Variants in LRRC4C observed in about 807,000 individuals in gnomAD.
LRRC4C encodes leucine-rich repeat-containing protein 4C.
Under a neutral mutation model 33.6 loss-of-function variants are expected in LRRC4C, and 5 were observed. The ratio of observed to expected loss-of-function variants is 0.15; its 90% CI spans 0.08 to 0.31. The LOEUF (loss-of-function observed/expected upper bound fraction) is 0.31. LRRC4C is among the 10% of genes least tolerant of loss of function. The probability of loss-of-function intolerance (pLI) is 1.00; values close to 1 mark genes in which losing one functional copy is unlikely to be tolerated. For synonymous variants in LRRC4C, 329 were observed against 302.0 expected (o/e 1.09, Z -0.93); for missense variants, 560 against 796.7 (o/e 0.70, Z 3.58).
At chr11:41,413,159 C>T (rs1197033276) in intron 1 of LRRC4C, among the ~76,000 whole-genome samples, 10 of 151,880 alleles carry the variant, frequency 6.6e-5, no homozygotes, top group Non-Finnish European at 1.2e-4. Flanking sequence ...TAGAGAACCC[C>T]GAATTATGAA....
intron 3 of LRRC4C, among the ~76,000 whole-genome samples, chr11:40,563,866 T>C (rs1957650601): frequency 6.6e-6 from 1 of 152,184 alleles, no homozygotes; most frequent in Non-Finnish European, 1.5e-5. Context: ...AGGAATGCAC[T>C]ACAGAGCCCT....
chr11:41,069,066 C>A (rs1308921733), intron 1 of LRRC4C, among the ~76,000 whole-genome samples: 1 of 152,136 alleles, frequency 6.6e-6, no homozygotes, highest in Non-Finnish European at 1.5e-5. Context: ...AAGGCTTAAA[C>A]CACCATGATG....
chr11:40,309,108 A>G (rs1390026772), intron 4 of LRRC4C, among the ~76,000 whole-genome samples: 4 of 152,226 alleles, frequency 2.6e-5, no homozygotes, highest in Non-Finnish European at 4.4e-5. Flanking sequence ...TGCAACCATC[A>G]CCACAGTGTC....
At chr11:40,564,001 G>A (rs377381176) in intron 3 of LRRC4C, among the ~76,000 whole-genome samples, 15 of 152,224 alleles carry the variant, frequency 9.9e-5, no homozygotes, top group African/African-American at 3.4e-4. Context: ...GGCCTGATAA[G>A]TATGAAAATA....
chr11:40,876,330 A>G (rs1339580518), intron 2 of LRRC4C, among the ~76,000 whole-genome samples: 1 of 139,470 alleles, frequency 7.2e-6, no homozygotes, highest in African/African-American at 2.7e-5. Context: ...ACAGGTGATC[A>G]TGCACCAGCT....
chr11:40,204,599 T>C (rs1863008345), intron 5 of LRRC4C, among the ~76,000 whole-genome samples: 1 of 152,130 alleles, frequency 6.6e-6, no homozygotes, highest in African/African-American at 2.4e-5. Flanking sequence ...TTATTCTAAG[T>C]TGCAAAACTA....
chr11:40,694,919 T>C (rs1023915470), intron 2 of LRRC4C, among the ~76,000 whole-genome samples: 2 of 152,182 alleles, frequency 1.3e-5, no homozygotes, highest in Non-Finnish European at 2.9e-5. Flanking sequence ...CCTTCCGGTC[T>C]TCCATTTTTT....
Position 41,068,855 on chromosome 11 carries a change from G to T in LRRC4C, c.-495-135132C>A, listed in dbSNP as rs181412291. 1.4e-3 allele frequency among the ~76,000 whole-genome samples: 220 copies of T among 152,216 alleles called. 1 individual carries two copies. The highest frequency in any genetic ancestry group is 7.3e-3 in the South Asian group (35 of 4,820). ...CTACCAAAAGAACAAAGAGGAGCTG[G>T]TACCATTCCTTCTGAAACTATTTGA... is the stretch of plus-strand genomic sequence containing the variant. On this transcript the variant is annotated intron_variant, in intron 1 of 6. Transcript: ENST00000528697.
intron 1 of LRRC4C, among the ~76,000 whole-genome samples, chr11:41,125,788 C>T (rs1434400555): frequency 3.3e-5 from 5 of 151,802 alleles, no homozygotes; most frequent in Non-Finnish European, 5.9e-5. Context: ...AAGTTAACTA[C>T]GAAAACTACT....
chr11:40,781,312 T>C (rs1950202284), intron 2 of LRRC4C, among the ~76,000 whole-genome samples: 1 of 152,066 alleles, frequency 6.6e-6, no homozygotes, highest in Admixed American at 6.6e-5. Flanking sequence ...TATGTGTGTG[T>C]ACATACACAC....
At chr11:40,759,761 T>C (rs374356485) in intron 2 of LRRC4C, among the ~76,000 whole-genome samples, 1 of 152,040 alleles carries the variant, frequency 6.6e-6, no homozygotes, top group African/African-American at 2.4e-5. Flanking sequence ...ATCATGTTGA[T>C]ATAATCTTTA....
chr11:41,022,142 TTA>T (rs142909883), intron 1 of LRRC4C, among the ~76,000 whole-genome samples: 12,907 of 138,952 alleles, frequency 0.093, 617 homozygotes, highest in African/African-American at 0.13. Context: ...CAATTTTGTT[TTA>T]TATATATATA....
At chr11:40,209,130 C>T (rs1329973069) in intron 5 of LRRC4C, among the ~76,000 whole-genome samples, 1 of 152,176 alleles carries the variant, frequency 6.6e-6, no homozygotes, top group Non-Finnish European at 1.5e-5. Context: ...GGGATTCACA[C>T]ACTAGTGAAG....
intron 2 of LRRC4C, among the ~76,000 whole-genome samples, chr11:40,798,308 C>T (rs1278011620): frequency 6.6e-6 from 1 of 152,174 alleles, no homozygotes; most frequent in African/African-American, 2.4e-5. Flanking sequence ...GACCAGTTTT[C>T]CCCATCCAGC....
intron 1 of LRRC4C, among the ~76,000 whole-genome samples, chr11:41,387,267 G>A (rs1415593400): frequency 6.6e-6 from 1 of 151,690 alleles, no homozygotes; most frequent in Non-Finnish European, 1.5e-5. Context: ...GAGGACAAAT[G>A]GAGGCAGGAA....
intron 1 of LRRC4C, among the ~76,000 whole-genome samples, chr11:41,048,603 C>T (rs1250267487): frequency 6.6e-6 from 1 of 152,016 alleles, no homozygotes; most frequent in Non-Finnish European, 1.5e-5. Flanking sequence ...CTTGGTCTAC[C>T]CTTTGATCAT....
chr11:41,037,238 T>A (rs767257879), intron 1 of LRRC4C, among the ~76,000 whole-genome samples: 3 of 151,830 alleles, frequency 2.0e-5, no homozygotes, highest in Non-Finnish European at 4.4e-5. Flanking sequence ...TTCATGGTTG[T>A]CACTTGATTA....
intron 1 of LRRC4C, among the ~76,000 whole-genome samples, chr11:41,269,054 T>C (rs1439834544): frequency 2.0e-5 from 3 of 152,246 alleles, no homozygotes; most frequent in African/African-American, 2.4e-5. Context: ...ATTATTAGGT[T>C]ATACTAATAG....
intron 2 of LRRC4C, among the ~76,000 whole-genome samples, chr11:40,796,928 G>A (rs758764955): frequency 1.6e-4 from 24 of 152,138 alleles, no homozygotes; most frequent in Non-Finnish European, 2.4e-4. Flanking sequence ...TTACAGGCAT[G>A]AGCCACCACG....
Sources: gnomAD v4.1 joint callset for allele counts (sites outside exome capture counted in the v4.1 genomes callset) on GRCh38, gnomAD v4.1.1 for gene constraint, MANE v1.5 for transcripts, NCBI Gene and HGNC (gene_info 2026-07-23, HGNC 2026-07-21) for gene names.